The following SNTG2 variants were observed in gnomAD, a reference collection of about 807,000 sequenced individuals.
The protein encoded by SNTG2 is syntrophin gamma 2.
In SNTG2, 74 loss-of-function variants were observed where a neutral mutation model predicts 70.9. The ratio of observed to expected loss-of-function variants is 1.04; its 90% CI spans 0.86 to 1.27. The LOEUF is 1.27. SNTG2 is among the 50% of genes most tolerant of loss of function. The pLI is 0.00. For missense variants in SNTG2, 717 were observed against 690.7 expected (o/e 1.04, Z -0.43); for synonymous variants, 278 against 273.8 (o/e 1.02, Z -0.15).
At chr2:1,100,860 A>G (rs542666358) in intron 4 of SNTG2, among the ~76,000 whole-genome samples, 41 of 152,306 alleles carry the variant, frequency 2.7e-4, no homozygotes, top group African/African-American at 8.9e-4. Flanking sequence ...TTTATGGTCA[A>G]TTCAGAAGGA....
At chr2:965,013 G>A (rs1036922806) in intron 1 of SNTG2, among the ~76,000 whole-genome samples, 2 of 151,228 alleles carry the variant, frequency 1.3e-5, no homozygotes, top group African/African-American at 4.9e-5. Flanking sequence ...TTCCTCCTTG[G>A]TCCCCTGTCC....
chr2:1,118,304 C>T (rs774680660), intron 4 of SNTG2, among the ~76,000 whole-genome samples: 25 of 152,066 alleles, frequency 1.6e-4, no homozygotes, highest in African/African-American at 6.0e-4. Context: ...ACAGAGAAGT[C>T]AAAAGTAGTA....
intron 16 of SNTG2, among the ~76,000 whole-genome samples, chr2:1,339,109 C>T (rs751523369): frequency 6.6e-6 from 1 of 152,088 alleles, no homozygotes; most frequent in Non-Finnish European, 1.5e-5. Flanking sequence ...TTGCATTTCC[C>T]CAATGATTGA....
At chr2:956,030 GGCCCCTGCCCCTGCCCCT>G (rs74164481) in intron 1 of SNTG2, among the ~76,000 whole-genome samples, 3 of 125,784 alleles carry the variant, frequency 2.4e-5, no homozygotes, top group African/African-American at 6.3e-5. Context: ...TGACTGTGCT[GGCCCCTGCCCCTGCCCCT>G]GCCCCTGCCC....
At chr2:973,148 T>C (rs1317437581) in intron 1 of SNTG2, among the ~76,000 whole-genome samples, 1 of 152,250 alleles carries the variant, frequency 6.6e-6, no homozygotes, top group Non-Finnish European at 1.5e-5. Flanking sequence ...TTTGATATAC[T>C]GTCCTTTATC....
intron 2 of SNTG2, among the ~76,000 whole-genome samples, chr2:1,096,282 C>A (rs1384124908): frequency 2.6e-5 from 4 of 152,156 alleles, no homozygotes; most frequent in Non-Finnish European, 4.4e-5. Context: ...TTGTGAAATG[C>A]ACACTACAAA....
At chr2:1,281,664 T>C (rs1679553013) in intron 14 of SNTG2, among the ~76,000 whole-genome samples, 1 of 152,122 alleles carries the variant, frequency 6.6e-6, no homozygotes, top group Non-Finnish European at 1.5e-5. Context: ...CTTGCTTTGC[T>C]GCCAGCCATG....
chr2:1,214,580 A>G (rs2148006547), intron 9 of SNTG2, among the ~76,000 whole-genome samples: 1 of 151,930 alleles, frequency 6.6e-6, no homozygotes, highest in East Asian at 1.9e-4. Flanking sequence ...CTGATTTCTG[A>G]GTGTTGTTTT....
chr2:1,031,823 T>A (rs1423020862), intron 1 of SNTG2, among the ~76,000 whole-genome samples: 1 of 152,062 alleles, frequency 6.6e-6, no homozygotes, highest in African/African-American at 2.4e-5. Context: ...CCCATTCACA[T>A]GAAATATCAT....
At chr2:1,102,053 C>G (rs531121562) in intron 4 of SNTG2, among the ~76,000 whole-genome samples, 2 of 152,162 alleles carry the variant, frequency 1.3e-5, no homozygotes, top group Admixed American at 6.5e-5. Flanking sequence ...TCGGGCCATC[C>G]GCAGAGACCA....
chr2:1,139,461 C>T (rs1220991487), intron 6 of SNTG2, among the ~76,000 whole-genome samples: 1 of 152,044 alleles, frequency 6.6e-6, no homozygotes, highest in South Asian at 2.1e-4. Context: ...GTCTTGAACT[C>T]CTGACCTCAG....
chr2:1,336,726 CG>C (rs1198695278), intron 16 of SNTG2, among the ~76,000 whole-genome samples: 1 of 152,074 alleles, frequency 6.6e-6, no homozygotes, highest in East Asian at 1.9e-4. Context: ...ATCTTTTCCC[CG>C]TTGTGTGTTC....
At chr2:1,166,254 A>G (rs1670697735) in intron 7 of SNTG2, among the ~76,000 whole-genome samples, 2 of 152,150 alleles carry the variant, frequency 1.3e-5, no homozygotes, top group African/African-American at 4.8e-5. Context: ...TTTGTGGGTA[A>G]TCGGGAAAGG....
At chr2:1,156,793 G>A (rs1323855535) in intron 6 of SNTG2, among the ~76,000 whole-genome samples, 1 of 152,060 alleles carries the variant, frequency 6.6e-6, no homozygotes, top group Non-Finnish European at 1.5e-5. Flanking sequence ...GCCTGCGTGG[G>A]GGTAGGAAAT....
At chr2:1,358,305 A>C (rs1660959557) in intron 16 of SNTG2, among the ~76,000 whole-genome samples, 1 of 152,110 alleles carries the variant, frequency 6.6e-6, no homozygotes, top group Admixed American at 6.5e-5. Flanking sequence ...TCTTTTCAAA[A>C]ACCAACTCTT....
chr2:1,205,961 GT>G (rs1673607615), intron 8 of SNTG2, among the ~76,000 whole-genome samples: 2 of 152,246 alleles, frequency 1.3e-5, no homozygotes, highest in South Asian at 4.2e-4. Context: ...AGGAAAACAT[GT>G]TCTGTTTTGT....
intron 4 of SNTG2, among the ~76,000 whole-genome samples, chr2:1,120,197 C>T (rs757528433): frequency 3.2e-4 from 48 of 152,092 alleles, no homozygotes; most frequent in Non-Finnish European, 6.0e-4. Flanking sequence ...TGGCATTTGT[C>T]ATTCTTTATC....
chr2:1,122,561 C>T (rs1009662897), intron 4 of SNTG2, among the ~76,000 whole-genome samples: 5 of 152,072 alleles, frequency 3.3e-5, no homozygotes, highest in South Asian at 2.1e-4. Flanking sequence ...CAGGTATAGA[C>T]AGCATGTTCA....
intron 4 of SNTG2, among the ~76,000 whole-genome samples, chr2:1,113,106 T>A (rs1356249738): frequency 6.7e-6 from 1 of 149,266 alleles, no homozygotes; most frequent in African/African-American, 2.4e-5. Flanking sequence ...TTGAGAAGGA[T>A]CGTGTGTACT....
Sources: allele counts gnomAD v4.1 joint callset (sites outside exome capture counted in the v4.1 genomes callset), GRCh38; gene constraint gnomAD v4.1.1; transcripts MANE v1.5; gene names NCBI Gene and HGNC (gene_info 2026-07-23, HGNC 2026-07-21).